The following RAD21L1 variants were observed in gnomAD, a reference collection of about 807,000 sequenced individuals.
The protein encoded by RAD21L1 is double-strand-break repair protein rad21-like protein 1.
RAD21L1 carries 47 observed loss-of-function variants against 69.0 expected under a neutral mutation model. The ratio of observed to expected loss-of-function variants is 0.68; its 90% confidence interval spans 0.54 to 0.87. RAD21L1 has a LOEUF of 0.87. Among genes scored for constraint, RAD21L1 ranks in the 40% least tolerant of loss-of-function variants. The pLI is 0.00. For missense variants in RAD21L1, 583 were observed against 647.6 expected, an observed-to-expected ratio of 0.90 and a Z score of 1.08; for synonymous variants, 177 against 205.8, an observed-to-expected ratio of 0.86 and a Z score of 1.20.
At chr20:1,244,729 T>C (rs953305412) in intron 11 of RAD21L1, among the ~76,000 whole-genome samples, 2 of 152,192 alleles carry the variant, frequency 1.3e-5, no homozygotes, top group African/African-American at 4.8e-5. Context: ...TGAAATATTT[T>C]CTCAGTTGTT....
rs1009308410 is a variant in RAD21L1 at position 1,229,896 on chromosome 20, G to A, written c.161G>A (p.Arg54Gln). ...TATTGAAAGGTGAAAATAGCACTTC[G>A]AACTTCAGGACACCTTCTTTTGGGA... ...ILSPKVKIALRTSGHLLLGVV... is the reference protein window; with the variant it reads ...ILSPKVKIALQTSGHLLLGVV... The change falls in exon 3 of 14, where the codon CGA becomes CAA. Residue 54 changes from arginine (R) to glutamine (Q), a missense_variant. Coordinates refer to ENST00000683101, the MANE Select transcript of RAD21L1 (RefSeq NM_001384355.1). 1.6e-5 allele frequency: 24 copies of A among 1,547,244 alleles called. No individual in the cohort carries two copies. Among genetic ancestry groups the A allele is most frequent in the Non-Finnish European group, 1.9e-5 (22 of 1,143,794 alleles).
At position 1,255,744 on chromosome 20, in the gene RAD21L1, C is replaced by T. The variant is rs1471329431; in HGVS notation, c.*1287C>T. 1.3e-5 allele frequency among the ~76,000 whole-genome samples: 2 copies of T among 152,156 alleles called. No homozygotes were observed. Among genetic ancestry groups the T allele is most frequent in the African/African-American group, 2.4e-5 (1 of 41,434 alleles). ...TCCCTTTGTAGTAACCCCCTTCCCCCATATAACATCTGGCAACCACTCTTC... is the reference window on the plus strand; with the variant it reads ...TCCCTTTGTAGTAACCCCCTTCCCCTATATAACATCTGGCAACCACTCTTC... On this transcript the variant is annotated 3_prime_UTR_variant, in exon 14 of 14. Coordinates refer to ENST00000683101, the MANE Select transcript of RAD21L1 (RefSeq NM_001384355.1).
Position 1,244,145 on chromosome 20 carries a change from A to G in RAD21L1, c.1283A>G (p.Asp428Gly). 1 of 1,544,592 alleles carries G rather than the reference A, an allele frequency of 6.5e-7. No homozygotes were observed. Among genetic ancestry groups the G allele is most frequent in the East Asian group, 2.4e-5 (1 of 40,840 alleles). Residue 428 changes from aspartate to glycine, a missense_variant, in exon 11 of 14, where the codon GAT becomes GGT. Transcript: ENST00000683101. ...GGATCTCAGCATAGCTCTCATGAGG[A>G]TACCAATAAAAATATTAACTCTGAG... ...IGGSQHSSHEDTNKNINSEDI... is the reference protein window; with the variant it reads ...IGGSQHSSHEGTNKNINSEDI...
At chr20:1,253,259 C>T (rs967567847) in intron 13 of RAD21L1, among the ~76,000 whole-genome samples, 1 of 152,146 alleles carries the variant, frequency 6.6e-6, no homozygotes, top group Admixed American at 6.5e-5. Flanking sequence ...GTGTATGATT[C>T]TCATAGGGAC....
chr20:1,228,727 T>C, intron 2 of RAD21L1, 130 bp downstream of exon 2: 1 of 669,910 alleles, frequency 1.5e-6, no homozygotes, highest in Non-Finnish European at 2.4e-6. Context: ...TTCCTTTAAT[T>C]CCTATAGCAT....
At chr20:1,248,045 C>CAAAAAAAA (rs71327497) in intron 12 of RAD21L1, among the ~76,000 whole-genome samples, 17 of 71,926 alleles carry the variant, frequency 2.4e-4, no homozygotes, top group Admixed American at 3.5e-4. Flanking sequence ...CCTTAAATAC[C>CAAAAAAAA]AAAAAAAAAA....
In RAD21L1 at chr20:1,238,209, T is replaced by A. The variant is rs1194055641; in HGVS notation, c.641T>A (p.Met214Lys). ...GFGDEGAAGEMIDNLLQDDQN... is the reference protein window; with the variant it reads ...GFGDEGAAGEKIDNLLQDDQN... Reference sequence around the variant, plus strand: ...GGAGATGAAGGAGCTGCAGGAGAAATGATTGGTATGCTATCTGGTCATGTG... The same window carrying A: ...GGAGATGAAGGAGCTGCAGGAGAAAAGATTGGTATGCTATCTGGTCATGTG... Residue 214 changes from methionine (M) to lysine (K), a missense_variant, in exon 6 of 14, where the codon ATG becomes AAG. Transcript: ENST00000683101. The A allele has an allele frequency of 6.6e-7, 1 of 1,510,746 alleles. No homozygotes were observed. Among genetic ancestry groups the A allele is most frequent in the African/African-American group, 1.4e-5 (1 of 72,670 alleles). The allele number at this position is 1,510,746 out of a possible 1,614,324, so 93.6% of individuals were successfully genotyped here.
chr20:1,242,169 T>C (rs2087619923), intron 8 of RAD21L1, among the ~76,000 whole-genome samples: 1 of 152,180 alleles, frequency 6.6e-6, no homozygotes, highest in African/African-American at 2.4e-5. Context: ...TTGCTCAGCA[T>C]AATTTTCAGA....
chr20:1,226,508 C>T (rs909369220), intron 1 of RAD21L1: 4 of 152,724 alleles, frequency 2.6e-5, no homozygotes, highest in African/African-American at 9.6e-5. Flanking sequence ...CTTTGCTTTC[C>T]CCTCCCTCAC....
chr20:1,248,826 C>G (rs1276422917), intron 13 of RAD21L1, 123 bp downstream of exon 13: 1 of 536,594 alleles, frequency 1.9e-6, no homozygotes, highest in Non-Finnish European at 3.3e-6. Flanking sequence ...CCAAATCCCA[C>G]TAGAGTGCAA....
At chr20:1,251,925 CAT>C (rs1203603869) in intron 13 of RAD21L1, among the ~76,000 whole-genome samples, 1 of 152,152 alleles carries the variant, frequency 6.6e-6, no homozygotes, top group Non-Finnish European at 1.5e-5. Context: ...TAAGTCTTGA[CAT>C]ATGTGTACAA....
chr20:1,255,238 T>A lies in RAD21L1; in HGVS notation c.*781T>A, dbSNP rs908878617. On this transcript the variant is annotated 3_prime_UTR_variant, in exon 14 of 14. Transcript: ENST00000683101. ...ATGTGTCAGCAAAACTAAATCTGCT[T>A]CTTATGTTTAAAAAAATTAGCAGAC... Among the ~76,000 whole-genome samples, 3 of 152,324 alleles carry A rather than the reference T, an allele frequency of 2.0e-5. No homozygotes were observed. The highest frequency in any genetic ancestry group is 6.5e-5 in the Admixed American group (1 of 15,296).
Position 1,246,540 on chromosome 20 carries a change from AGT to A in RAD21L1, c.1401+239_1401+240del, listed in dbSNP as rs1286446709. Among the ~76,000 whole-genome samples, 1 of 152,244 alleles carries A rather than the reference AGT, an allele frequency of 6.6e-6. No homozygotes were observed. The highest frequency in any genetic ancestry group is 1.9e-4 in the East Asian group (1 of 5,182). Reference sequence around the variant, plus strand: ...GAAACTTCAAATACTTTTAAGGGAAAGTGTGAGGTTTTTGTGCTTATCAAAAG... The same window carrying A: ...GAAACTTCAAATACTTTTAAGGGAAAGTGAGGTTTTTGTGCTTATCAAAAG... On this transcript the variant is annotated intron_variant, in intron 12 of 13. Transcript: ENST00000683101. This position sits in a 1 kb window ranked among gnomAD's most constrained non-coding sequence, Gnocchi z 4.6.
chr20:1,254,788 C>T lies in RAD21L1; in HGVS notation c.*331C>T, dbSNP rs1246424083. On this transcript the variant is annotated 3_prime_UTR_variant, in exon 14 of 14. Coordinates refer to ENST00000683101, the MANE Select transcript of RAD21L1 (RefSeq NM_001384355.1). ...AGCTGGGACTACAGGCACATGCCACCATACCTGGCTCAGAAATACTTAATT... is the reference window on the plus strand; with the variant it reads ...AGCTGGGACTACAGGCACATGCCACTATACCTGGCTCAGAAATACTTAATT... Among the ~76,000 whole-genome samples, 1 of 152,150 alleles carries T rather than the reference C, an allele frequency of 6.6e-6. No individual in the cohort carries two copies. The highest frequency in any genetic ancestry group is 1.5e-5 in the Non-Finnish European group (1 of 68,034).
At chr20:1,230,849 C>T in intron 3 of RAD21L1, 1 of 316,298 alleles carries the variant, frequency 3.2e-6, no homozygotes, top group Non-Finnish European at 4.6e-6. Flanking sequence ...TACTTTGTAC[C>T]AAACACTATG....
Position 1,230,740 on chromosome 20 carries a change from A to G in RAD21L1, c.274+731A>G. On this transcript the variant is annotated intron_variant, in intron 3 of 13. Coordinates refer to ENST00000683101, the MANE Select transcript of RAD21L1 (RefSeq NM_001384355.1). Reference sequence around the variant, plus strand: ...TTTTTTAATCTTCTTCATTTAAAATATTCATATAATCTCTAGGTGGATTTA... The same window carrying G: ...TTTTTTAATCTTCTTCATTTAAAATGTTCATATAATCTCTAGGTGGATTTA... 5.3e-6 allele frequency: 3 copies of G among 562,138 alleles called. No individual in the cohort carries two copies. In the South Asian group the frequency reaches 2.4e-4, roughly 45 times the overall value. The allele number at this position is 562,138 out of a possible 1,614,324, so 34.8% of individuals were successfully genotyped here.
rs1056321857 is a variant in RAD21L1 at position 1,254,987 on chromosome 20, T to A, written c.*530T>A. Reference sequence around the variant, plus strand: ...GGCTATTTTACATTGGAGTATTTACTTGAATTTTATGGGGTTAATGAAAAC... The same window carrying A: ...GGCTATTTTACATTGGAGTATTTACATGAATTTTATGGGGTTAATGAAAAC... On this transcript the variant is annotated 3_prime_UTR_variant, in exon 14 of 14. Transcript: ENST00000683101. 6.6e-6 allele frequency among the ~76,000 whole-genome samples: 1 copy of A among 152,214 alleles called. No homozygotes were observed. Among genetic ancestry groups the A allele is most frequent in the African/African-American group, 2.4e-5 (1 of 41,444 alleles).
At chr20:1,233,767 A>G (rs1306865826) in intron 4 of RAD21L1, among the ~76,000 whole-genome samples, 1 of 152,092 alleles carries the variant, frequency 6.6e-6, no homozygotes, top group Non-Finnish European at 1.5e-5. Flanking sequence ...CCACCTCCTA[A>G]TACCATCACA....
chr20:1,238,303 T>G, intron 6 of RAD21L1, 89 bp downstream of exon 6: 1 of 982,716 alleles, frequency 1.0e-6, no homozygotes, highest in Non-Finnish European at 1.4e-6. Flanking sequence ...AATCTAAAAT[T>G]TCAAATATGT....
Sources: gnomAD v4.1 joint callset for allele counts (sites outside exome capture counted in the v4.1 genomes callset) on GRCh38, gnomAD v4.1.1 for gene constraint, Gnocchi (gnomAD v3.1) non-coding constraint, MANE v1.5 for transcripts, NCBI Gene and HGNC (gene_info 2026-07-23, HGNC 2026-07-21) for gene names.